GAL3ST1: variants seen among roughly 807,000 people sequenced by gnomAD.
The protein encoded by GAL3ST1 is galactosylceramide sulfotransferase.
Under a neutral mutation model 25.0 loss-of-function variants are expected in GAL3ST1, and 13 were observed. The observed-to-expected ratio is 0.52, with a 90% CI of 0.34 to 0.83. The LOEUF is 0.83. Ranked by LOEUF, GAL3ST1 falls within the 40% of genes least tolerant of loss-of-function variation. GAL3ST1 has a pLI of 0.02. For synonymous variants in GAL3ST1, 274 were observed against 277.8 expected (o/e 0.99, Z 0.14); for missense variants, 474 against 613.6 (o/e 0.77, Z 2.40).
intron 1 of GAL3ST1, among the ~76,000 whole-genome samples, chr22:30,567,136 G>A (rs1331779513): frequency 1.3e-5 from 2 of 151,524 alleles, no homozygotes; most frequent in African/African-American, 4.9e-5. Context: ...CTTTTTCAAT[G>A]ATAAAAGCAG....
intron 1 of GAL3ST1, among the ~76,000 whole-genome samples, chr22:30,559,536 G>A (rs2086259577): frequency 6.6e-6 from 1 of 152,042 alleles, no homozygotes; most frequent in African/African-American, 2.4e-5. Context: ...ACCGCGCCTG[G>A]CCCATTTTTA....
At position 30,555,690 on chromosome 22, in the gene GAL3ST1, G is replaced by T. The variant is rs770667145; in HGVS notation, c.535C>A (p.Pro179Thr). 4 of 1,613,882 alleles carry T rather than the reference G, an allele frequency of 2.5e-6. No individual in the cohort carries two copies. The highest frequency in any genetic ancestry group is 2.2e-5 in the South Asian group (2 of 91,084). ...AGCTTCCACGTGAGGGGCACCACCG[G>T]CCCGAAGTAGTGGAAGGAGGACTCG... is the stretch of plus-strand genomic sequence containing the variant. ...LFESSFHYFG[P>T]VVPLTWKLSA... Residue 179 changes from proline (P) to threonine (T), a missense_variant, in exon 4 of 4, where the codon CCG (proline) becomes ACG (threonine). Pro to Thr is a conservative substitution (Grantham distance 38). This residue lies in a region of GAL3ST1 where 359 missense variants were observed against 504.4 expected (regional missense o/e 0.71). Coordinates refer to ENST00000406361, the MANE Select transcript of GAL3ST1 (RefSeq NM_001318104.2). The surrounding 1 kb of genome is among the most constrained non-coding windows in gnomAD (Gnocchi z 8.6).
rs751910799 is a variant in GAL3ST1 at position 30,556,028 on chromosome 22, T to C, written c.197A>G (p.Asn66Ser). The C allele has an allele frequency of 2.5e-6, 4 of 1,612,810 alleles. No homozygotes were observed. Among genetic ancestry groups the C allele is most frequent in the South Asian group, 1.1e-5 (1 of 91,082 alleles). Reference protein sequence around the residue: ...ALEPEAVIRANGSAGECQPRR... With the variant: ...ALEPEAVIRASGSAGECQPRR... ...CGGCTGGCACTCCCCCGCCGAGCCG[T>C]TGGCCCGGATCACTGCCTCTGGCTC... The change falls in exon 4 of 4, where the codon AAC becomes AGC. Residue 66 changes from asparagine to serine, a missense_variant. Physicochemically the swap from Asn to Ser is conservative, Grantham distance 46. Around this residue, in one of 2 missense-constraint regions of GAL3ST1, gnomAD observed 115 missense variants for 109.2 expected, o/e 1.05. Transcript: ENST00000406361.
At chr22:30,568,986 T>C (rs1044794768) in intron 1 of GAL3ST1, among the ~76,000 whole-genome samples, 2 of 145,558 alleles carry the variant, frequency 1.4e-5, no homozygotes, top group African/African-American at 5.1e-5. Flanking sequence ...TGAGGCAGGA[T>C]AATCGCTTGA....
chr22:30,568,036 C>A (rs562392576), intron 1 of GAL3ST1, among the ~76,000 whole-genome samples: 1 of 152,334 alleles, frequency 6.6e-6, no homozygotes, highest in African/African-American at 2.4e-5. Flanking sequence ...CACCTGCACT[C>A]CAGGACTAGA....
chr22:30,559,389 C>A (rs988489608), intron 1 of GAL3ST1, among the ~76,000 whole-genome samples: 2 of 151,682 alleles, frequency 1.3e-5, no homozygotes, highest in Admixed American at 6.6e-5. Context: ...TACAGGCACA[C>A]GCCACCACAC....
Position 30,556,035 on chromosome 22 carries a change from G to A in GAL3ST1, c.190C>T (p.Arg64Trp), listed in dbSNP as rs148732637. ...PPALEPEAVI[R>W]ANGSAGECQP... ...CACTCCCCCGCCGAGCCGTTGGCCCGGATCACTGCCTCTGGCTCGAGTGCA... is the reference window on the plus strand; with the variant it reads ...CACTCCCCCGCCGAGCCGTTGGCCCAGATCACTGCCTCTGGCTCGAGTGCA... Residue 64 changes from arginine to tryptophan, a missense_variant, in exon 4 of 4, where the codon CGG becomes TGG. Around this residue, in one of 2 missense-constraint regions of GAL3ST1, gnomAD observed 115 missense variants for 109.2 expected, o/e 1.05. Transcript: ENST00000406361. 9.3e-6 allele frequency: 15 copies of A among 1,612,626 alleles called. No individual in the cohort carries two copies. Among genetic ancestry groups the A allele is most frequent in the South Asian group, 3.3e-5 (3 of 91,074 alleles).
intron 1 of GAL3ST1, among the ~76,000 whole-genome samples, chr22:30,572,519 G>A (rs1039892052): frequency 2.6e-5 from 4 of 152,284 alleles, no homozygotes; most frequent in Middle Eastern, 3.4e-3. Context: ...CACACTCAGC[G>A]TTAGCTCCTC....
Position 30,554,971 on chromosome 22 carries a change from G to C in GAL3ST1, c.1254C>G (p.Arg418=). ...TGGGACGTCACCACCGCAGGAAATC[G>C]CGAATGAACTTCCAGAGCTTGGTGA... ...LWVTKLWKFI[R]DFLRW The change falls in exon 4 of 4, where the codon CGC becomes CGG. Residue 418 remains arginine (R), a synonymous_variant. Coordinates refer to ENST00000406361, the MANE Select transcript of GAL3ST1 (RefSeq NM_001318104.2). 6.3e-7 allele frequency: 1 copy of C among 1,580,156 alleles called. No homozygotes were observed. The highest frequency in any genetic ancestry group is 8.6e-7 in the Non-Finnish European group (1 of 1,157,406).
chr22:30,555,203 A>C lies in GAL3ST1; in HGVS notation c.1022T>G (p.Met341Arg). 1.3e-6 allele frequency: 2 copies of C among 1,599,902 alleles called. No individual in the cohort carries two copies. Among genetic ancestry groups the C allele is most frequent in the Non-Finnish European group, 1.7e-6 (2 of 1,175,910 alleles). ...VAALRHANER[M>R]RTICIDGGHA... is the part of the protein sequence containing the mutation. ...GCCCCCGTCGATGCAGATGGTCCGC[A>C]TGCGCTCGTTGGCATGGCGCAGGGC... The change falls in exon 4 of 4, where the codon ATG becomes AGG. Residue 341 changes from methionine (M) to arginine (R), a missense_variant. Physicochemically the swap from Met to Arg is moderately conservative, Grantham distance 91. Around this residue, in one of 2 missense-constraint regions of GAL3ST1, gnomAD observed 359 missense variants for 504.4 expected, o/e 0.71. Transcript: ENST00000406361. This position sits in a 1 kb window ranked among gnomAD's most constrained non-coding sequence, Gnocchi z 8.6.
Position 30,555,237 on chromosome 22 carries a change from C to A in GAL3ST1, c.988G>T (p.Glu330Ter). The change falls in exon 4 of 4, where the codon GAG becomes TAG. Residue 330 changes from glutamate (E) to a stop codon, truncating the protein, a stop_gained. Transcript: ENST00000406361. LOFTEE classifies it high-confidence loss of function. The surrounding 1 kb of genome is among the most constrained non-coding windows in gnomAD (Gnocchi z 8.6). ...TTGGCATGGCGCAGGGCGGCCACCT[C>A]GCGGGCCATGCGCTCCCGCCCGAAG... ...EAFGRERMAR[E>*]VAALRHANER... The A allele has an allele frequency of 6.3e-7, 1 of 1,598,842 alleles. No homozygotes were observed.
intron 1 of GAL3ST1, among the ~76,000 whole-genome samples, chr22:30,572,502 C>T (rs1340614891): frequency 1.3e-5 from 2 of 152,186 alleles, no homozygotes; most frequent in Non-Finnish European, 2.9e-5. Context: ...GCACGCAGAG[C>T]CCTTCACACA....
At chr22:30,556,177 G>A in intron 3 of GAL3ST1, 84 bp from the exon 4 acceptor site, 1 of 1,144,858 alleles carries the variant, frequency 8.7e-7, no homozygotes, top group Non-Finnish European at 1.2e-6. Flanking sequence ...GAGATTATTG[G>A]GAACAGTGGT....
chr22:30,567,556 G>A (rs2086661037), intron 1 of GAL3ST1, among the ~76,000 whole-genome samples: 1 of 152,162 alleles, frequency 6.6e-6, no homozygotes. Flanking sequence ...TGGGATTACA[G>A]GTGTGAGCCA....
At chr22:30,561,366 AAGCAGGGGCCTGCCTCTCCAG>A (rs757800325) in intron 1 of GAL3ST1, among the ~76,000 whole-genome samples, 36 of 152,144 alleles carry the variant, frequency 2.4e-4, no homozygotes, top group Non-Finnish European at 4.6e-4. Context: ...GCCAGGCCCA[AAGCAGGGGCCTGCCTCTCCAG>A]AGCATCTAAC....
chr22:30,557,672 A>G lies in GAL3ST1; in HGVS notation c.-9-271T>C, dbSNP rs143825828. 2,141 of 329,748 alleles carry G rather than the reference A, an allele frequency of 6.5e-3. 24 individuals are homozygous for G. Among genetic ancestry groups the G allele is most frequent in the African/African-American group, 0.024 (1,127 of 47,130 alleles). 20.4% of individuals were successfully genotyped at this position (329,748 alleles called of 1,614,324 possible). A position where few individuals can be genotyped will look rare whatever the true frequency, so the allele number is the denominator to read the frequency against. On this transcript the variant is annotated intron_variant, in intron 2 of 3. Coordinates refer to ENST00000406361, the MANE Select transcript of GAL3ST1 (RefSeq NM_001318104.2). ...GGTTAAAATTTAAAAATTAAAATGA[A>G]CCGGGTAGAGAACCAGGGCCCCAAA...
chr22:30,559,713 C>A (rs73394275), intron 1 of GAL3ST1, among the ~76,000 whole-genome samples: 2,208 of 152,238 alleles, frequency 0.015, 65 homozygotes, highest in African/African-American at 0.049. Context: ...ATGATCTAAG[C>A]GTGGCAACCC....
rs753448980 is a variant in GAL3ST1, at chr22:30,556,080, C to T, written c.145G>A (p.Ala49Thr). The change falls in exon 4 of 4, where the codon GCA becomes ACA. Residue 49 changes from alanine (A) to threonine (T), a missense_variant. Ala to Thr is a moderately conservative substitution (Grantham distance 58, BLOSUM62 0). This residue lies in a region of GAL3ST1 where 115 missense variants were observed against 109.2 expected (regional missense o/e 1.05). Coordinates refer to ENST00000406361, the MANE Select transcript of GAL3ST1 (RefSeq NM_001318104.2). Reference protein sequence around the residue: ...AGLASTTPEAAASCSPPALEP... With the variant: ...AGLASTTPEATASCSPPALEP... ...AGTGCAGGTGGAGAGCAGGACGCTG[C>T]GGCCTCCGGGGTCCTGCTGGGGACA... 9.3e-6 allele frequency: 15 copies of T among 1,604,592 alleles called. No individual in the cohort carries two copies. Among genetic ancestry groups the T allele is most frequent in the Middle Eastern group, 3.3e-4 (2 of 6,034 alleles).
chr22:30,568,502 T>C (rs1857852315), intron 1 of GAL3ST1, among the ~76,000 whole-genome samples: 1 of 152,136 alleles, frequency 6.6e-6, no homozygotes, highest in South Asian at 2.1e-4. Flanking sequence ...GCCTAGGTCT[T>C]TGCATCTCCA....
Sources: gnomAD v4.1 joint callset for allele counts (sites outside exome capture counted in the v4.1 genomes callset) on GRCh38, gnomAD v4.1.1 for gene constraint, gnomAD v4.1.1 regional missense constraint, Gnocchi (gnomAD v3.1) non-coding constraint, MANE v1.5 for transcripts, NCBI Gene and HGNC (gene_info 2026-07-23, HGNC 2026-07-21) for gene names.